The following IARS1 variants were observed in gnomAD, a reference collection of about 807,000 sequenced individuals.
The protein encoded by IARS1 is isoleucine--tRNA ligase, cytoplasmic.
IARS1 carries 124 observed loss-of-function variants against 168.2 expected under a neutral mutation model. The ratio of observed to expected loss-of-function variants is 0.74; its 90% CI spans 0.64 to 0.86. The LOEUF is 0.86. IARS1 is among the 40% of genes least tolerant of loss of function. IARS1 has a pLI of 0.00. For missense variants in IARS1, 1,452 were observed against 1,515.8 expected (o/e 0.96, Z 0.70); for synonymous variants, 532 against 529.4 (o/e 1.00, Z -0.07).
chr9:92,289,512 A>G, intron 1 of IARS1, 86 bp from the exon 2 acceptor site: 3 of 693,558 alleles, frequency 4.3e-6, no homozygotes, highest in Non-Finnish European at 7.9e-6. Flanking sequence ...TGTACATGAC[A>G]CTATCCATAC....
At chr9:92,265,456 T>C in intron 15 of IARS1, 24 bp downstream of exon 15, 1 of 1,599,872 alleles carries the variant, frequency 6.3e-7, no homozygotes. Flanking sequence ...AAAACTGAAG[T>C]GAATCGAACA....
chr9:92,287,676 C>A, intron 4 of IARS1, 115 bp downstream of exon 4: 1 of 1,183,768 alleles, frequency 8.4e-7, no homozygotes, highest in South Asian at 1.7e-5. Context: ...TGGAAGCTAA[C>A]ACTTTTTCTA....
At position 92,243,244 on chromosome 9, in the gene IARS1, A is replaced by C. The variant is rs1404860855; in HGVS notation, c.2972T>G (p.Ile991Ser). ...MVDEGMAREV[I>S]NRIQKLRKKC... ...TTTGCGAAGTTTCTGTATGCGATTG[A>C]TGACTTCCCGAGCCATTCCTTCATC... is the stretch of plus-strand genomic sequence containing the variant. The change falls in exon 28 of 34, where the codon ATC (isoleucine) becomes AGC (serine). Residue 991 changes from isoleucine (I) to serine (S), a missense_variant. By Grantham distance (142) the Ile-to-Ser change is moderately radical. Transcript: ENST00000443024. 1 of 1,613,654 alleles carries C rather than the reference A, an allele frequency of 6.2e-7. No individual in the cohort carries two copies. The highest frequency in any genetic ancestry group is 1.7e-5 in the Admixed American group (1 of 60,018).
chr9:92,281,078 A>G (rs552216857), intron 6 of IARS1, among the ~76,000 whole-genome samples, 185 bp from the exon 7 acceptor site: 2 of 152,130 alleles, frequency 1.3e-5, no homozygotes, highest in Non-Finnish European at 2.9e-5. Flanking sequence ...TACTTTAAAA[A>G]ATGTTTTAAT....
chr9:92,253,705 T>C, intron 20 of IARS1: 1 of 524,482 alleles, frequency 1.9e-6, no homozygotes, highest in Admixed American at 2.7e-5. Flanking sequence ...CATTGGTCAG[T>C]GAGAAAAGCC....
At position 92,285,445 on chromosome 9, in the gene IARS1, C is replaced by G. The variant is rs918153010; in HGVS notation, c.597+277G>C. Among the ~76,000 whole-genome samples, 5 of 152,086 alleles carry G rather than the reference C, an allele frequency of 3.3e-5. No individual in the cohort carries two copies. The South Asian group carries it at 8.3e-4, about 25-fold the overall frequency. On this transcript the variant is annotated intron_variant, in intron 6 of 33. Coordinates refer to ENST00000443024, the MANE Select transcript of IARS1 (RefSeq NM_002161.6). ...AGTATGTCAAAGCTGGACTTGTTAACCCAACAGAGAGGCACAAAAATATGG... is the reference window on the plus strand; with the variant it reads ...AGTATGTCAAAGCTGGACTTGTTAAGCCAACAGAGAGGCACAAAAATATGG...
Position 92,242,292 on chromosome 9 carries a change from A to G in IARS1, c.3039T>C (p.Tyr1013=), listed in dbSNP as rs147719645. The G allele has an allele frequency of 9.7e-5, 156 of 1,613,950 alleles. No individual in the cohort carries two copies. The African/African-American group carries it at 1.2e-3, about 13-fold the overall frequency. Residue 1013 remains tyrosine, a synonymous_variant, in exon 29 of 34, where the codon TAT becomes TAC. Coordinates refer to ENST00000443024, the MANE Select transcript of IARS1 (RefSeq NM_002161.6). Reference sequence around the variant, plus strand: ...GATATGTTCCTTCAGACTTTGCTTTATAGTACACTGTGATTTCATCAGTTG... The same window carrying G: ...GATATGTTCCTTCAGACTTTGCTTTGTAGTACACTGTGATTTCATCAGTTG... ...LVPTDEITVY[Y]KAKSEGTYLN... is the part of the protein sequence containing the mutation.
chr9:92,228,084 G>T (rs866287556), intron 31 of IARS1, among the ~76,000 whole-genome samples: 1 of 152,156 alleles, frequency 6.6e-6, no homozygotes, highest in African/African-American at 2.4e-5. Context: ...CTGCAATCCC[G>T]GCACCTCAGG....
chr9:92,279,134 G>A (rs1448201832), intron 7 of IARS1, among the ~76,000 whole-genome samples: 1 of 152,126 alleles, frequency 6.6e-6, no homozygotes, highest in Non-Finnish European at 1.5e-5. Context: ...CATATATTTA[G>A]TTCACTATAA....
In IARS1 at chr9:92,249,028, A is replaced by G. The variant is rs1242915150; in HGVS notation, c.2616+830T>C. 3.6e-4 allele frequency among the ~76,000 whole-genome samples: 55 copies of G among 152,186 alleles called. 1 individual carries two copies. The highest frequency in any genetic ancestry group is 3.6e-3 in the Admixed American group (55 of 15,274). On this transcript the variant is annotated intron_variant, in intron 25 of 33. Transcript: ENST00000443024. ...TCTGGAATCTATCCAATATCCATACACTGATATATGCATATATGTACACAC... is the reference window on the plus strand; with the variant it reads ...TCTGGAATCTATCCAATATCCATACGCTGATATATGCATATATGTACACAC...
At chr9:92,286,155 T>C (rs1835422900) in intron 5 of IARS1, 1 of 287,312 alleles carries the variant, frequency 3.5e-6, no homozygotes, top group Non-Finnish European at 6.6e-6. Flanking sequence ...ATCACCTAGG[T>C]CAGAAGTTCG....
At chr9:92,214,176 G>A (rs182221869) in intron 33 of IARS1, among the ~76,000 whole-genome samples, 2 of 151,880 alleles carry the variant, frequency 1.3e-5, no homozygotes, top group African/African-American at 2.4e-5. Context: ...GGAACTAGAC[G>A]TATGCTTCTT....
Position 92,229,030 on chromosome 9 carries a change from G to C in IARS1, c.3380C>G (p.Thr1127Arg). 2 of 1,614,018 alleles carry C rather than the reference G, an allele frequency of 1.2e-6. No homozygotes were observed. Among genetic ancestry groups the C allele is most frequent in the Non-Finnish European group, 1.7e-6 (2 of 1,180,004 alleles). The change falls in exon 31 of 34, where the codon ACA becomes AGA. Residue 1127 changes from threonine to arginine, a missense_variant. Physicochemically the swap from Thr to Arg is moderately conservative, Grantham distance 71. Transcript: ENST00000443024. Reference sequence around the variant, plus strand: ...TTCATCATGGAAGACAGCCAGCTCTGTATTTTTCACACCAAAAATGCTAGT... The same window carrying C: ...TTCATCATGGAAGACAGCCAGCTCTCTATTTTTCACACCAAAAATGCTAGT... The part of the protein sequence containing the change: ...VVTSIFGVKN[T>R]ELAVFHDETE...
Position 92,223,580 on chromosome 9 carries a change from T to G in IARS1, c.3410-91A>C. 2.9e-6 allele frequency: 3 copies of G among 1,039,242 alleles called. No homozygotes were observed. In the South Asian group the frequency reaches 5.1e-5, roughly 18 times the overall value. The allele number at this position is 1,039,242 out of a possible 1,614,324, so 64.4% of individuals were successfully genotyped here. A position where few individuals can be genotyped will look rare whatever the true frequency, so the allele number is the denominator to read the frequency against. On this transcript the variant is annotated intron_variant, in intron 31 of 33. Transcript: ENST00000443024. ...TTTCCTATTTAACTATCATGTATCT[T>G]TTTACGATAATGCTTTCCACTTAAT...
chr9:92,223,889 T>C (rs1825213700), intron 31 of IARS1, among the ~76,000 whole-genome samples: 1 of 152,208 alleles, frequency 6.6e-6, no homozygotes, highest in Non-Finnish European at 1.5e-5. Flanking sequence ...AAAAAAAGCA[T>C]GATACACAGA....
chr9:92,267,032 C>T (rs543920058), intron 14 of IARS1, among the ~76,000 whole-genome samples: 21 of 152,302 alleles, frequency 1.4e-4, no homozygotes, highest in Admixed American at 6.5e-4. Context: ...GGACCACTGT[C>T]GTATATGCGG....
intron 6 of IARS1, among the ~76,000 whole-genome samples, chr9:92,282,898 A>G (rs764996638): frequency 6.7e-5 from 10 of 149,620 alleles, no homozygotes; most frequent in Non-Finnish European, 1.5e-4. Flanking sequence ...TCTGTCACCC[A>G]GGCTGGAGTG....
rs1210422416 is a variant in IARS1, at chr9:92,271,086, A to C, written c.1114-10T>G. Reference sequence around the variant, plus strand: ...TACTTTTGTCAGCATCCTATTAAAAAAAATTAAAATTTAGCCATTAAAACA... The same window carrying C: ...TACTTTTGTCAGCATCCTATTAAAACAAATTAAAATTTAGCCATTAAAACA... On this transcript the variant is annotated splice_polypyrimidine_tract_variant and intron_variant, in intron 11 of 33. Transcript: ENST00000443024. The C allele has an allele frequency of 1.3e-6, 2 of 1,575,404 alleles. No homozygotes were observed. The highest frequency in any genetic ancestry group is 1.7e-6 in the Non-Finnish European group (2 of 1,156,586).
chr9:92,287,808 A>C lies in IARS1; in HGVS notation c.379T>G (p.Tyr127Asp). ...CAACATACCTTCCACTCAGCAGAAT[A>C]TCTCATCACAATTGCTCGGCACTGA... ...NNQCRAIVMRYSAEWKSTVSR... is the reference protein window; with the variant it reads ...NNQCRAIVMRDSAEWKSTVSR... The change falls in exon 4 of 34, where the codon TAT becomes GAT. Residue 127 changes from tyrosine to aspartate, a missense_variant. Physicochemically the swap from Tyr to Asp is radical, Grantham distance 160. Coordinates refer to ENST00000443024, the MANE Select transcript of IARS1 (RefSeq NM_002161.6). The C allele has an allele frequency of 6.2e-7, 1 of 1,613,172 alleles. No homozygotes were observed. The highest frequency in any genetic ancestry group is 1.1e-5 in the South Asian group (1 of 90,864).
Sources: gnomAD v4.1 joint callset for allele counts (sites outside exome capture counted in the v4.1 genomes callset) on GRCh38, gnomAD v4.1.1 for gene constraint, MANE v1.5 for transcripts, NCBI Gene and HGNC (gene_info 2026-07-23, HGNC 2026-07-21) for gene names.